MYH3: variants seen among roughly 807,000 people sequenced by gnomAD.
MYH3 encodes the protein myosin-3.
Under a neutral mutation model 238.0 loss-of-function variants are expected in MYH3, and 130 were observed. That is an observed-to-expected ratio of 0.55 (90% confidence interval 0.47 to 0.63). MYH3 has a LOEUF of 0.63. Ranked by LOEUF, MYH3 falls within the 30% of genes least tolerant of loss-of-function variation. The pLI is 0.00. For missense variants in MYH3, 1,853 were observed against 2,374.9 expected, an observed-to-expected ratio of 0.78 and a Z score of 4.57; for synonymous variants, 880 against 924.1, an observed-to-expected ratio of 0.95 and a Z score of 0.86.
intron 4 of MYH3, 175 bp downstream of exon 4, chr17:10,652,245 G>A: frequency 2.5e-6 from 2 of 812,320 alleles, no homozygotes; most frequent in Non-Finnish European, 4.0e-6. Context: ...CCTTCTTCCT[G>A]CCCCATCCAC....
Position 10,629,513 on chromosome 17 carries a change from A to G in MYH3, c.5796+84T>C, listed in dbSNP as rs537972961. 5.7e-5 allele frequency: 90 copies of G among 1,571,848 alleles called. 1 individual carries two copies. The Middle Eastern group carries it at 1.8e-3, about 32-fold the overall frequency. On this transcript the variant is annotated intron_variant, in intron 40 of 40. Transcript: ENST00000583535. ...CTGAGCCTGAGACTCCCCAGCTCTA[A>G]AGTAAAGGGTTCTCTGAGGTTCCTT...
upstream of MYH3, among the ~76,000 whole-genome samples, chr17:10,657,571 A>G (rs1326528618): frequency 2.0e-5 from 3 of 152,128 alleles, no homozygotes; most frequent in African/African-American, 7.2e-5. Context: ...ATGGGATGGG[A>G]TGGCCTCACT....
intron 1 of MYH3, among the ~76,000 whole-genome samples, chr17:10,656,426 A>T (rs1047390292): frequency 1.3e-5 from 2 of 151,774 alleles, no homozygotes; most frequent in Admixed American, 1.3e-4. Context: ...GATCCCAGCT[A>T]CTCTGGAGGC....
At chr17:10,635,335 T>C (rs764344756) in intron 30 of MYH3, 32 bp downstream of exon 30, 2 of 1,613,940 alleles carry the variant, frequency 1.2e-6, no homozygotes, top group Admixed American at 3.3e-5. Flanking sequence ...CATTCCTAAG[T>C]AGTTCTTCTA....
chr17:10,638,013 G>A, intron 27 of MYH3, 30 bp downstream of exon 27: 7 of 1,614,050 alleles, frequency 4.3e-6, no homozygotes, highest in Non-Finnish European at 5.9e-6. Context: ...CTGATGGAAA[G>A]CCTTGAGCCA....
the MYH3 span, chr17:10,673,034 T>C: frequency 6.6e-6 from 1 of 151,220 alleles, no homozygotes; most frequent in African/African-American, 2.4e-5. Context: ...AGATGGAGTC[T>C]TGCCCTGTTG....
At chr17:10,644,546 C>G (rs200385516) in intron 13 of MYH3, 38 bp downstream of exon 13, 4 of 1,613,296 alleles carry the variant, frequency 2.5e-6, no homozygotes, top group Non-Finnish European at 3.4e-6. Context: ...AAGTGGCCAG[C>G]AGGGTCCTGC....
At chr17:10,662,952 T>C in the MYH3 span, among the ~76,000 whole-genome samples, 1 of 151,852 alleles carries the variant, frequency 6.6e-6, no homozygotes, top group Non-Finnish European at 1.5e-5. Flanking sequence ...CCGGGTGTGG[T>C]GGTGGGTTCC....
intron 36 of MYH3, among the ~76,000 whole-genome samples, chr17:10,631,389 C>T (rs1343430429): frequency 6.6e-6 from 1 of 152,228 alleles, no homozygotes; most frequent in African/African-American, 2.4e-5. Context: ...CACCTCTCCA[C>T]AGGCAGAACT....
chr17:10,645,926 T>C lies in MYH3; in HGVS notation c.1002+3A>G. On this transcript the variant is annotated splice_donor_region_variant and intron_variant, in intron 11 of 40. Coordinates refer to ENST00000583535, the MANE Select transcript of MYH3 (RefSeq NM_002470.4). ...ACCCACCCCTTCTGTTGGTTCCACT[T>C]ACGTCTGTAGCCAGCAGCTCCTCTG... 1 of 1,613,924 alleles carries C rather than the reference T, an allele frequency of 6.2e-7. No individual in the cohort carries two copies. Among genetic ancestry groups the C allele is most frequent in the African/African-American group, 1.3e-5 (1 of 75,018 alleles).
the MYH3 span, among the ~76,000 whole-genome samples, chr17:10,662,692 T>C: frequency 6.6e-6 from 1 of 152,214 alleles, no homozygotes; most frequent in African/African-American, 2.4e-5. Flanking sequence ...CAAGTAAAGA[T>C]GGAATCTTTT....
intron 8 of MYH3, 26 bp from the exon 9 acceptor site, chr17:10,647,452 G>A (rs554355748): frequency 2.5e-6 from 4 of 1,611,848 alleles, no homozygotes; most frequent in African/African-American, 2.7e-5. Flanking sequence ...TTCAGGGGGA[G>A]ACCAGATTCT....
At chr17:10,651,848 A>G in intron 4 of MYH3, 180 bp from the exon 5 acceptor site, 3 of 823,152 alleles carry the variant, frequency 3.6e-6, no homozygotes, top group Non-Finnish European at 5.4e-6. Flanking sequence ...GGTTCAAGCA[A>G]TTCTCCTGCC....
rs2074132104 is a variant in MYH3, at chr17:10,629,594, C to T, written c.5796+3G>A. On this transcript the variant is annotated splice_donor_region_variant and intron_variant, in intron 40 of 40. Transcript: ENST00000583535. Reference sequence around the variant, plus strand: ...GGGGGCTCCTCCCAGCTCAGCGACTCACCCTGCTGGAGGTGAAGTCTCGAG... The same window carrying T: ...GGGGGCTCCTCCCAGCTCAGCGACTTACCCTGCTGGAGGTGAAGTCTCGAG... 1.2e-6 allele frequency: 2 copies of T among 1,612,892 alleles called. No homozygotes were observed. The highest frequency in any genetic ancestry group is 2.7e-5 in the African/African-American group (2 of 74,884).
At chr17:10,632,909 C>A in intron 33 of MYH3, 125 bp from the exon 34 acceptor site, 1 of 1,161,540 alleles carries the variant, frequency 8.6e-7, no homozygotes, top group South Asian at 1.3e-5. Flanking sequence ...TCACAATTCA[C>A]TTTTTAAATG....
At chr17:10,669,066 CTA>C in the MYH3 span, among the ~76,000 whole-genome samples, 1 of 152,170 alleles carries the variant, frequency 6.6e-6, no homozygotes, top group Non-Finnish European at 1.5e-5. Context: ...GATGGGGAAA[CTA>C]TGACTCAGTG....
At chr17:10,648,389 G>A (rs1049723161) in intron 8 of MYH3, among the ~76,000 whole-genome samples, 168 bp downstream of exon 8, 1 of 152,114 alleles carries the variant, frequency 6.6e-6, no homozygotes, top group Non-Finnish European at 1.5e-5. Flanking sequence ...TCTTACACAC[G>A]CTGTTCATTG....
Position 10,646,235 on chromosome 17 carries a change from C to A in MYH3, c.899-203G>T, listed in dbSNP as rs2239932. The stretch of plus-strand genomic sequence containing the variant: ...AGGGAAGACTTTTCAGTCTCCCACA[C>A]AATGGAGATGAAGGACCCTAGAGAG... On this transcript the variant is annotated intron_variant, in intron 10 of 40. Transcript: ENST00000583535. Among the ~76,000 whole-genome samples the A allele has an allele frequency of 0.63, 95,735 of 151,896 alleles. 32,074 individuals carry two copies. The highest frequency in any genetic ancestry group is 0.77 in the Non-Finnish European group (52,288 of 67,972).
chr17:10,669,582 AAAG>A, the MYH3 span, among the ~76,000 whole-genome samples: 1 of 145,560 alleles, frequency 6.9e-6, no homozygotes, highest in Admixed American at 6.8e-5. Flanking sequence ...AAAAAAAAAA[AAAG>A]AGGAGTTGAA....
Sources: allele counts gnomAD v4.1 joint callset (sites outside exome capture counted in the v4.1 genomes callset), GRCh38; gene constraint gnomAD v4.1.1; transcripts MANE v1.5; gene names NCBI Gene and HGNC (gene_info 2026-07-23, HGNC 2026-07-21).